The following DAB2IP variants were observed in gnomAD, a reference collection of about 807,000 sequenced individuals.
DAB2IP encodes the protein disabled homolog 2-interacting protein.
DAB2IP carries 28 observed loss-of-function variants against 107.2 expected under a neutral mutation model. The observed-to-expected ratio is 0.26, with a 90% confidence interval of 0.19 to 0.36. The LOEUF (loss-of-function observed/expected upper bound fraction) is 0.36, where lower values mean the gene tolerates loss of function less well. Ranked by LOEUF, DAB2IP falls within the 10% of genes least tolerant of loss-of-function variation. The pLI is 1.00. For synonymous variants in DAB2IP, 755 were observed against 706.4 expected (o/e 1.07, Z -1.09); for missense variants, 1,400 against 1,644.7 (o/e 0.85, Z 2.57).
intron 3 of DAB2IP, among the ~76,000 whole-genome samples, chr9:121,728,261 G>A (rs1340675319): frequency 6.6e-6 from 1 of 152,110 alleles, no homozygotes; most frequent in African/African-American, 2.4e-5. Flanking sequence ...TCAGTCTGTT[G>A]ATGCCCCTGG....
intron 1 of DAB2IP, among the ~76,000 whole-genome samples, chr9:121,590,056 T>C (rs111634932): frequency 2.0e-5 from 3 of 151,096 alleles, no homozygotes; most frequent in African/African-American, 7.3e-5. Flanking sequence ...CAGACAGGGA[T>C]GTGTCCCCTC....
chr9:121,681,871 A>G (rs1828621016), intron 2 of DAB2IP, among the ~76,000 whole-genome samples: 1 of 152,194 alleles, frequency 6.6e-6, no homozygotes. Context: ...TGTTCTTGAC[A>G]GTAAAATCTG....
In DAB2IP at chr9:121,634,568, G is replaced by T. The variant is rs1322411826; in HGVS notation, c.41-44110G>T. Among the ~76,000 whole-genome samples the T allele has an allele frequency of 6.6e-6, 1 of 152,152 alleles. No individual in the cohort carries two copies. The highest frequency in any genetic ancestry group is 2.1e-4 in the South Asian group (1 of 4,824). ...CCTCGGTGCGCAGTTTGGAAGGGGT[G>T]ACGCGCAGGTCTGAGAATGGGTGGG... On this transcript the variant is annotated intron_variant, in intron 1 of 16. Coordinates refer to the DAB2IP transcript ENST00000259371. The surrounding 1 kb of genome is among the most constrained non-coding windows in gnomAD (Gnocchi z 4.7).
At chr9:121,777,056 T>A (rs1321103708) in intron 14 of DAB2IP, among the ~76,000 whole-genome samples, 41 of 152,334 alleles carry the variant, frequency 2.7e-4, no homozygotes, top group Non-Finnish European at 3.5e-4. Context: ...CCTCCATCTC[T>A]GTCTCTGGCT....
In DAB2IP at chr9:121,746,626, A is replaced by T. The variant is rs116996391; in HGVS notation, c.363-10387A>T. Among the ~76,000 whole-genome samples the T allele has an allele frequency of 7.5e-3, 1,140 of 152,218 alleles. 5 individuals are homozygous for T. The highest frequency in any genetic ancestry group is 0.011 in the Non-Finnish European group (782 of 68,004). The stretch of plus-strand genomic sequence containing the variant: ...CCAGGTCTTGGGTGGAGGAGATGAG[A>T]TGGAAGAAGATGCTGCCTCTGCCCC... On this transcript the variant is annotated intron_variant, in intron 3 of 15. Transcript: ENST00000408936.
intron 3 of DAB2IP, among the ~76,000 whole-genome samples, chr9:121,719,622 A>T (rs1400135771): frequency 1.3e-5 from 2 of 152,094 alleles, no homozygotes; most frequent in African/African-American, 4.8e-5. Flanking sequence ...CTTGGCCCAG[A>T]CCCGTGTATG....
intron 1 of DAB2IP, among the ~76,000 whole-genome samples, chr9:121,611,672 C>T (rs963758862): frequency 6.6e-6 from 1 of 152,214 alleles, no homozygotes; most frequent in Non-Finnish European, 1.5e-5. Flanking sequence ...GCAACCTCTG[C>T]CTCCTGGGTT....
intron 1 of DAB2IP, among the ~76,000 whole-genome samples, chr9:121,673,479 C>T (rs1833763127): frequency 6.6e-6 from 1 of 151,954 alleles, no homozygotes; most frequent in Admixed American, 6.6e-5. Flanking sequence ...CGAGATTGCC[C>T]CTAAGTGGGC....
chr9:121,570,557 C>CT (rs1829914490), intron 1 of DAB2IP, among the ~76,000 whole-genome samples: 1 of 151,628 alleles, frequency 6.6e-6, no homozygotes, highest in African/African-American at 2.4e-5. Flanking sequence ...CAACACCCTC[C>CT]TTTTTTATTG....
intron 1 of DAB2IP, among the ~76,000 whole-genome samples, chr9:121,642,525 G>A (rs868140241): frequency 1.9e-4 from 23 of 118,860 alleles, no homozygotes; most frequent in African/African-American, 7.7e-4. Context: ...GGGTCTCACT[G>A]TGTTGCCAGG....
At chr9:121,693,653 C>T (rs1338724641) in intron 2 of DAB2IP, among the ~76,000 whole-genome samples, 1 of 152,186 alleles carries the variant, frequency 6.6e-6, no homozygotes, top group Admixed American at 6.5e-5. Flanking sequence ...TTGGGGTTCC[C>T]CAGTGGGCAG....
At chr9:121,593,856 T>C (rs1441593208) in intron 1 of DAB2IP, among the ~76,000 whole-genome samples, 1 of 151,596 alleles carries the variant, frequency 6.6e-6, no homozygotes, top group Non-Finnish European at 1.5e-5. Flanking sequence ...TTATTAGAGA[T>C]GGGGTTTCAC....
In DAB2IP at chr9:121,699,307, T is replaced by A; in HGVS notation, c.229-18T>A. 7.8e-7 allele frequency: 1 copy of A among 1,288,686 alleles called. No individual in the cohort carries two copies. Among genetic ancestry groups the A allele is most frequent in the Non-Finnish European group, 1.0e-6 (1 of 985,660 alleles). 79.8% of individuals were successfully genotyped at this position (1,288,686 alleles called of 1,614,324 possible). On this transcript the variant is annotated intron_variant, in intron 2 of 15. Coordinates refer to ENST00000408936, the Ensembl canonical transcript of DAB2IP. This position sits in a 1 kb window ranked among gnomAD's most constrained non-coding sequence, Gnocchi z 6.2. ...CTAACCCCGCCTCCCCTTCCCCCTC[T>A]TGTCCCCCCGTGCGCAGGGCTTCCT...
intron 14 of DAB2IP, among the ~76,000 whole-genome samples, chr9:121,777,302 G>A (rs1414570817): frequency 1.3e-5 from 2 of 152,192 alleles, no homozygotes; most frequent in Non-Finnish European, 2.9e-5. Flanking sequence ...GCCCTTCCCA[G>A]ATTCCTCCTA....
At chr9:121,678,726 T>C (rs1828408066) in exon 2 of DAB2IP, 1 of 1,598,290 alleles carries the variant, frequency 6.3e-7, no homozygotes, top group African/African-American at 1.3e-5. Context: ...CCTGGCAGCC[T>C]TTCCGAGAAG....
At chr9:121,783,588 T>TTTAAG in exon 16 of DAB2IP, 1 of 1,612,230 alleles carries the variant, frequency 6.2e-7, no homozygotes, top group Admixed American at 1.7e-5. Context: ...ACAGGGGCCT[T>TTTAAG]TTAAGTTGAG....
intron 1 of DAB2IP, among the ~76,000 whole-genome samples, chr9:121,602,401 A>C (rs770484025): frequency 2.0e-5 from 3 of 151,880 alleles, no homozygotes; most frequent in Non-Finnish European, 4.4e-5. Context: ...TGCTCAGGTT[A>C]TTATATTTTG....
chr9:121,601,475 A>G (rs1209662239), intron 1 of DAB2IP, among the ~76,000 whole-genome samples: 1 of 152,164 alleles, frequency 6.6e-6, no homozygotes, highest in South Asian at 2.1e-4. Flanking sequence ...CTTTGTCTCT[A>G]TGACTTCTAT....
intron 11 of DAB2IP, among the ~76,000 whole-genome samples, chr9:121,771,308 T>TCTATCAGTTCATGTTGA (rs1486460907): frequency 2.0e-5 from 3 of 152,160 alleles, no homozygotes; most frequent in Non-Finnish European, 4.4e-5. Flanking sequence ...TAGAGACATT[T>TCTATCAGTTCATGTTGA]CTATCAGTTC....
Sources: gnomAD v4.1 joint callset for allele counts (sites outside exome capture counted in the v4.1 genomes callset) on GRCh38, gnomAD v4.1.1 for gene constraint, Gnocchi (gnomAD v3.1) non-coding constraint, MANE v1.5 for transcripts, NCBI Gene and HGNC (gene_info 2026-07-23, HGNC 2026-07-21) for gene names.